Variants in SUCLG2 observed in about 807,000 individuals in gnomAD.
The protein encoded by SUCLG2 is succinate--CoA ligase [GDP-forming] subunit beta, mitochondrial.
SUCLG2 carries 42 observed loss-of-function variants against 47.9 expected under a neutral mutation model. That is an observed-to-expected ratio of 0.88 (90% CI 0.69 to 1.14). SUCLG2 has a LOEUF of 1.14. SUCLG2 is among the 50% of genes most tolerant of loss of function. The pLI is 0.00. For missense variants in SUCLG2, 571 were observed against 525.9 expected, an observed-to-expected ratio of 1.09 and a Z score of -0.84; for synonymous variants, 195 against 197.3, an observed-to-expected ratio of 0.99 and a Z score of 0.10.
intron 2 of SUCLG2, among the ~76,000 whole-genome samples, chr3:67,564,809 C>T (rs973502884): frequency 6.6e-6 from 1 of 152,144 alleles, no homozygotes; most frequent in African/African-American, 2.4e-5. Flanking sequence ...AGACTGGACA[C>T]CCCTGAGTCA....
intron 2 of SUCLG2, among the ~76,000 whole-genome samples, chr3:67,535,437 C>G (rs1575761417): frequency 6.6e-6 from 1 of 152,010 alleles, no homozygotes; most frequent in East Asian, 1.9e-4. Context: ...GACTTGCTGC[C>G]AAGTGCTACA....
chr3:67,426,502 A>G (rs1387512908), intron 9 of SUCLG2, among the ~76,000 whole-genome samples: 2 of 152,372 alleles, frequency 1.3e-5, no homozygotes, highest in East Asian at 3.9e-4. Context: ...GCTGAGTAAA[A>G]AAATATATAT....
chr3:67,508,415 TTCC>T (rs1705696373), intron 7 of SUCLG2, among the ~76,000 whole-genome samples: 2 of 152,086 alleles, frequency 1.3e-5, no homozygotes, highest in Non-Finnish European at 2.9e-5. Context: ...GAATGTTTCT[TTCC>T]TTTTATTATT....
chr3:67,607,979 T>C (rs1186431794), intron 2 of SUCLG2, among the ~76,000 whole-genome samples: 2 of 152,176 alleles, frequency 1.3e-5, no homozygotes, highest in Non-Finnish European at 2.9e-5. Flanking sequence ...ATGTCTTTAT[T>C]AGTAGCATGA....
intron 9 of SUCLG2, among the ~76,000 whole-genome samples, chr3:67,494,790 T>C (rs764910028): frequency 2.6e-5 from 4 of 152,212 alleles, no homozygotes; most frequent in Non-Finnish European, 5.9e-5. Flanking sequence ...AACCATGTTA[T>C]AGTCAACTGA....
intron 8 of SUCLG2, 82 bp downstream of exon 8, chr3:67,498,052 G>T: frequency 2.9e-6 from 4 of 1,391,330 alleles, no homozygotes; most frequent in African/African-American, 2.9e-5. Flanking sequence ...ACTTCTTCTT[G>T]GTAAGTGACA....
chr3:67,546,845 G>A (rs1028071541), intron 2 of SUCLG2, among the ~76,000 whole-genome samples: 14 of 152,154 alleles, frequency 9.2e-5, no homozygotes, highest in Non-Finnish European at 1.6e-4. Flanking sequence ...AGGTTGCAGC[G>A]AGCTGAGATT....
At chr3:67,396,186 G>T (rs1480709577) in intron 10 of SUCLG2, among the ~76,000 whole-genome samples, 1 of 152,046 alleles carries the variant, frequency 6.6e-6, no homozygotes, top group African/African-American at 2.4e-5. Flanking sequence ...CAGAACTGAA[G>T]GAAATAGAGA....
chr3:67,555,674 C>A (rs562257283), intron 2 of SUCLG2, among the ~76,000 whole-genome samples: 2 of 152,256 alleles, frequency 1.3e-5, no homozygotes, highest in East Asian at 1.9e-4. Context: ...CTGAATAAAA[C>A]AAGAATTCGT....
chr3:67,463,897 G>C (rs947717763), intron 9 of SUCLG2, among the ~76,000 whole-genome samples: 10 of 152,208 alleles, frequency 6.6e-5, no homozygotes, highest in African/African-American at 2.4e-4. Flanking sequence ...CCAACTGACA[G>C]AGGGAGAAAT....
intron 9 of SUCLG2, among the ~76,000 whole-genome samples, chr3:67,411,391 A>G (rs1308837411): frequency 1.3e-5 from 2 of 152,118 alleles, no homozygotes; most frequent in East Asian, 3.9e-4. Flanking sequence ...TGATCCTGTG[A>G]GGTTTTAGGC....
At chr3:67,513,241 T>TCATC (rs1559553719) in intron 6 of SUCLG2, among the ~76,000 whole-genome samples, 1 of 152,200 alleles carries the variant, frequency 6.6e-6, no homozygotes, top group Non-Finnish European at 1.5e-5. Context: ...GTTTATCCAT[T>TCATC]CATCCACAGA....
intron 1 of SUCLG2, among the ~76,000 whole-genome samples, chr3:67,637,266 T>C (rs1701026272): frequency 6.6e-6 from 1 of 152,204 alleles, no homozygotes; most frequent in Non-Finnish European, 1.5e-5. Context: ...TGAATCTTAA[T>C]AAGCCCACAG....
intron 1 of SUCLG2, among the ~76,000 whole-genome samples, chr3:67,638,669 A>T (rs576858755): frequency 1.8e-4 from 27 of 152,350 alleles, no homozygotes; most frequent in African/African-American, 6.5e-4. Flanking sequence ...TAGCAAGCAG[A>T]CAGATTTAGA....
intron 9 of SUCLG2, among the ~76,000 whole-genome samples, chr3:67,467,349 T>G (rs1439474761): frequency 6.6e-6 from 1 of 152,234 alleles, no homozygotes; most frequent in African/African-American, 2.4e-5. Flanking sequence ...ACAATTTTCT[T>G]AAGCTCAAAG....
chr3:67,495,658 A>AC (rs1183911759), intron 9 of SUCLG2, 140 bp downstream of exon 9: 2 of 1,088,622 alleles, frequency 1.8e-6, no homozygotes, highest in Non-Finnish European at 2.6e-6. Flanking sequence ...TCTCAAAAAA[A>AC]AAAAAAAAAG....
chr3:67,559,076 A>C (rs1707238012), intron 2 of SUCLG2, among the ~76,000 whole-genome samples: 2 of 152,184 alleles, frequency 1.3e-5, no homozygotes, highest in Admixed American at 1.3e-4. Context: ...GTATTAATAG[A>C]TTTACTCTAA....
At chr3:67,527,302 G>C (rs754984300) in intron 4 of SUCLG2, among the ~76,000 whole-genome samples, 2 of 152,212 alleles carry the variant, frequency 1.3e-5, no homozygotes, top group Non-Finnish European at 2.9e-5. Context: ...TTCGCTGTTA[G>C]GACAGGATCT....
rs1575781582 is a variant in SUCLG2, at chr3:67,564,097, T to A, written c.227-34911A>T. On this transcript the variant is annotated intron_variant, in intron 2 of 10. Transcript: ENST00000307227. ...AAAGAGAAAAACATTAAGAATATTA[T>A]AATTTTTCCTACTAGAAAAATCAAG... Among the ~76,000 whole-genome samples, 3 of 152,204 alleles carry A rather than the reference T, an allele frequency of 2.0e-5. No individual in the cohort carries two copies. The East Asian group carries it at 5.8e-4, about 29-fold the overall frequency.
Sources: gnomAD v4.1 joint callset for allele counts (sites outside exome capture counted in the v4.1 genomes callset) on GRCh38, gnomAD v4.1.1 for gene constraint, MANE v1.5 for transcripts, NCBI Gene and HGNC (gene_info 2026-07-23, HGNC 2026-07-21) for gene names.